The following CALN1 variants were observed in gnomAD, a reference collection of about 807,000 sequenced individuals.
The protein encoded by CALN1 is calcium-binding protein 8.
CALN1 carries 17 observed loss-of-function variants against 30.6 expected under a neutral mutation model. That is an observed-to-expected ratio of 0.56 (90% CI 0.38 to 0.83). The LOEUF (loss-of-function observed/expected upper bound fraction) is 0.83. Ranked by LOEUF, CALN1 falls within the 40% of genes least tolerant of loss-of-function variation. The pLI is 0.00. For synonymous variants in CALN1, 156 were observed against 131.4 expected, an observed-to-expected ratio of 1.19 and a Z score of -1.28; for missense variants, 291 against 354.9, an observed-to-expected ratio of 0.82 and a Z score of 1.45.
At chr7:72,415,495 T>C (rs1010896935), upstream of CALN1, among the ~76,000 whole-genome samples, 8 of 152,266 alleles carry the variant, frequency 5.3e-5, no homozygotes, top group African/African-American at 1.9e-4. Flanking sequence ...AAAGAGGAGC[T>C]GGAAATCCAG....
intron 5 of CALN1, among the ~76,000 whole-genome samples, chr7:72,002,379 T>C (rs1799568680): frequency 6.6e-6 from 1 of 152,192 alleles, no homozygotes; most frequent in South Asian, 2.1e-4. Context: ...ATGTTGACCA[T>C]CTCATATAAT....
At chr7:72,028,272 C>T (rs997459991) in intron 4 of CALN1, among the ~76,000 whole-genome samples, 11 of 131,078 alleles carry the variant, frequency 8.4e-5, no homozygotes, top group African/African-American at 4.5e-4. Context: ...AGCAAGACCA[C>T]CCACCTCTGA....
intron 6 of CALN1, among the ~76,000 whole-genome samples, chr7:71,790,581 G>A (rs1474743644): frequency 3.9e-5 from 6 of 152,240 alleles, no homozygotes; most frequent in East Asian, 3.9e-4. Context: ...AGTTGTGCAC[G>A]GTTCCCCAGA....
chr7:72,463,951 A>AGAAGGAAG, the CALN1 span, among the ~76,000 whole-genome samples: 27 of 124,936 alleles, frequency 2.2e-4, no homozygotes, highest in Admixed American at 8.0e-4. Flanking sequence ...ACAAAGTGAG[A>AGAAGGAAG]GAAGGAAGGA....
intron 2 of CALN1, among the ~76,000 whole-genome samples, chr7:72,398,838 A>G (rs1305331675): frequency 6.6e-6 from 1 of 152,230 alleles, no homozygotes; most frequent in African/African-American, 2.4e-5. Flanking sequence ...CTATAAACAG[A>G]AACAAAAAAA....
intron 2 of CALN1, among the ~76,000 whole-genome samples, chr7:72,375,254 G>A (rs1277541289): frequency 1.3e-5 from 2 of 152,052 alleles, no homozygotes; most frequent in Non-Finnish European, 2.9e-5. Context: ...ATTCTCATCT[G>A]GAGGCTTGAC....
At chr7:71,829,719 G>C (rs1337897809) in intron 5 of CALN1, among the ~76,000 whole-genome samples, 1 of 152,132 alleles carries the variant, frequency 6.6e-6, no homozygotes, top group African/African-American at 2.4e-5. Flanking sequence ...TCTCAACAGG[G>C]AGCCCACTCT....
chr7:72,378,484 A>G (rs1257201710), intron 2 of CALN1, among the ~76,000 whole-genome samples: 1 of 152,158 alleles, frequency 6.6e-6, no homozygotes, highest in Non-Finnish European at 1.5e-5. Context: ...GCTTTTATGG[A>G]AACACAGAAT....
At chr7:72,397,879 C>G (rs541830290) in intron 2 of CALN1, among the ~76,000 whole-genome samples, 10 of 152,226 alleles carry the variant, frequency 6.6e-5, no homozygotes, top group African/African-American at 2.4e-4. Context: ...CCATTATAAG[C>G]CAAGGATGAG....
chr7:71,872,667 G>A (rs1792005879), intron 5 of CALN1, among the ~76,000 whole-genome samples: 1 of 151,030 alleles, frequency 6.6e-6, no homozygotes, highest in Admixed American at 6.6e-5. Context: ...AGGCTGGAGT[G>A]CAGTGGTGTG....
intron 3 of CALN1, among the ~76,000 whole-genome samples, chr7:72,115,344 A>C (rs572321298): frequency 1.1e-4 from 15 of 140,958 alleles, no homozygotes; most frequent in African/African-American, 3.9e-4. Context: ...CTCCACCTGG[A>C]TTTTTTTTTT....
intron 2 of CALN1, among the ~76,000 whole-genome samples, chr7:72,360,108 G>C (rs887014111): frequency 2.0e-5 from 3 of 151,996 alleles, no homozygotes; most frequent in African/African-American, 7.3e-5. Flanking sequence ...ACTCATGGTC[G>C]AATCTTGGTT....
chr7:72,451,098 GAGGAGAAGAA>G (rs1808645730), upstream of CALN1, among the ~76,000 whole-genome samples: 1 of 151,448 alleles, frequency 6.6e-6, no homozygotes, highest in African/African-American at 2.4e-5. Flanking sequence ...GGAGGAGGGG[GAGGAGAAGAA>G]AGGAGAAGGA....
At chr7:72,259,214 C>T (rs1168877174) in intron 3 of CALN1, among the ~76,000 whole-genome samples, 1 of 152,082 alleles carries the variant, frequency 6.6e-6, no homozygotes, top group Non-Finnish European at 1.5e-5. Context: ...ATGATTAAGA[C>T]TACTGGGCCT....
intron 3 of CALN1, among the ~76,000 whole-genome samples, chr7:72,268,656 G>GCATGGTGA (rs1796750624): frequency 6.6e-6 from 1 of 151,924 alleles, no homozygotes; most frequent in Admixed American, 6.6e-5. Flanking sequence ...AATTATCCAG[G>GCATGGTGA]CATGGTGACA....
upstream of CALN1, among the ~76,000 whole-genome samples, chr7:72,417,135 G>A (rs1296249386): frequency 2.0e-5 from 3 of 152,220 alleles, no homozygotes; most frequent in Non-Finnish European, 1.5e-5. Context: ...GTGATCTGGA[G>A]GCCAAGGATA....
Position 72,106,222 on chromosome 7 carries a change from G to A in CALN1, c.317C>T (p.Ala106Val). 1.2e-6 allele frequency: 2 copies of A among 1,614,052 alleles called. No individual in the cohort carries two copies. Among genetic ancestry groups the A allele is most frequent in the Non-Finnish European group, 8.5e-7 (1 of 1,180,020 alleles). Residue 106 changes from alanine (A) to valine (V), a missense_variant, in exon 4 of 7, where the codon GCC becomes GTC. By Grantham distance (64) the Ala-to-Val change is moderately conservative. Coordinates refer to ENST00000395275, the MANE Select transcript of CALN1 (RefSeq NM_031468.4). ...GFISKQELGM[A>V]MRSLGYMPSE... The stretch of plus-strand genomic sequence containing the variant: ...TGGCATGTACCCCAAAGAGCGCATG[G>A]CCATGCCCAGCTCCTGCTTGGAGAT...
intron 1 of CALN1, among the ~76,000 whole-genome samples, chr7:72,409,808 G>C (rs183643355): frequency 1.3e-5 from 2 of 152,064 alleles, no homozygotes; most frequent in South Asian, 2.1e-4. Context: ...GAATCACCAA[G>C]GAACGTTCCC....
intron 2 of CALN1, among the ~76,000 whole-genome samples, chr7:72,396,485 G>A (rs1805966193): frequency 6.6e-6 from 1 of 151,908 alleles, no homozygotes; most frequent in African/African-American, 2.4e-5. Context: ...TTTTTCTTGG[G>A]GGAAGAAAGA....
Sources: gnomAD v4.1 joint callset for allele counts (sites outside exome capture counted in the v4.1 genomes callset) on GRCh38, gnomAD v4.1.1 for gene constraint, MANE v1.5 for transcripts, NCBI Gene and HGNC (gene_info 2026-07-23, HGNC 2026-07-21) for gene names.